NFIA: variants seen among roughly 807,000 people sequenced by gnomAD.
NFIA encodes the protein nuclear factor I A.
In NFIA, 8 loss-of-function variants were observed where a neutral mutation model predicts 62.8. The ratio of observed to expected loss-of-function variants is 0.13; its 90% CI spans 0.07 to 0.23. The LOEUF (loss-of-function observed/expected upper bound fraction) is 0.23. Among genes scored for constraint, NFIA ranks in the 10% least tolerant of loss-of-function variants. The pLI is 1.00. For missense variants in NFIA, 410 were observed against 642.1 expected (o/e 0.64, Z 3.91); for synonymous variants, 235 against 238.1 (o/e 0.99, Z 0.12).
At chr1:61,391,435 A>ACAC (rs1664972644) in intron 7 of NFIA, among the ~76,000 whole-genome samples, 1 of 124,602 alleles carries the variant, frequency 8.0e-6, no homozygotes, top group Non-Finnish European at 1.7e-5. Context: ...TTATGAATCA[A>ACAC]ACACACACAC....
intron 2 of NFIA, among the ~76,000 whole-genome samples, chr1:61,155,860 G>T (rs1648782676): frequency 1.3e-5 from 2 of 152,122 alleles, no homozygotes; most frequent in South Asian, 4.2e-4. Context: ...ACCTTGGCTG[G>T]GCGCGGTGGC....
chr1:61,214,691 C>G (rs1347819174), intron 2 of NFIA, among the ~76,000 whole-genome samples: 1 of 152,168 alleles, frequency 6.6e-6, no homozygotes, highest in Non-Finnish European at 1.5e-5. Context: ...AGTCCCCTTG[C>G]TTTCACCTCT....
chr1:61,283,579 CT>C (rs1658272500), intron 3 of NFIA, among the ~76,000 whole-genome samples: 1 of 14,882 alleles, frequency 6.7e-5, no homozygotes, highest in Admixed American at 1.4e-3. Context: ...GAGACTCTGT[CT>C]CAAAAAAAAA....
chr1:61,423,243 A>T (rs975101169), intron 9 of NFIA, among the ~76,000 whole-genome samples: 4 of 47,376 alleles, frequency 8.4e-5, no homozygotes, highest in Non-Finnish European at 2.3e-4. Context: ...AATGGCTGCT[A>T]AAAAAAAAAA....
chr1:61,128,113 T>A (rs906475241), intron 2 of NFIA, among the ~76,000 whole-genome samples: 5 of 152,116 alleles, frequency 3.3e-5, no homozygotes, highest in African/African-American at 1.2e-4. Context: ...ATTTAATTTT[T>A]AAATTTTTAT....
chr1:61,413,304 T>G (rs1408964308), intron 9 of NFIA, among the ~76,000 whole-genome samples: 1 of 152,230 alleles, frequency 6.6e-6, no homozygotes, highest in Non-Finnish European at 1.5e-5. Context: ...TTAAAATTTC[T>G]CGTATAATAA....
rs560868344 is a variant in NFIA, at chr1:61,203,028, G to A, written c.560-74492G>A. Among the ~76,000 whole-genome samples the A allele has an allele frequency of 2.8e-4, 43 of 152,356 alleles. 1 individual carries two copies. Among genetic ancestry groups the A allele is most frequent in the Middle Eastern group, 3.4e-3 (1 of 294 alleles). On this transcript the variant is annotated intron_variant, in intron 2 of 10. Coordinates refer to ENST00000403491, the MANE Select transcript of NFIA (RefSeq NM_001134673.4). ...TTATTTTGAATTATAGTGCAATTTT[G>A]TGGAGGGTGAAATGGGGATTACACA...
rs143130757 is a variant in NFIA, at chr1:61,390,099, G to A, written c.1075+6734G>A. 5.9e-3 allele frequency among the ~76,000 whole-genome samples: 902 copies of A among 152,216 alleles called. 21 individuals carry two copies. The highest frequency in any genetic ancestry group is 0.03 in the East Asian group (153 of 5,168). On this transcript the variant is annotated intron_variant, in intron 7 of 10. Transcript: ENST00000403491. The stretch of plus-strand genomic sequence containing the variant: ...CTGCTGTGCTAGAAGCACAGGGTGC[G>A]GTAGAAAATGAGGGGAAGGACATCC...
At chr1:61,106,967 A>AT (rs1646613805) in intron 2 of NFIA, among the ~76,000 whole-genome samples, 1 of 150,366 alleles carries the variant, frequency 6.7e-6, no homozygotes. Context: ...TATATATATA[A>AT]ATACATATAC....
rs1160467611 is a variant in NFIA at position 61,360,675 on chromosome 1, T to TA, written c.946+1402dup. Reference sequence around the variant, plus strand: ...AAAGACAATGCTCAGGGGATGTGACTATAAAGGTGTAGCACGGGGAAAATG... The same window carrying TA: ...AAAGACAATGCTCAGGGGATGTGACTAATAAAGGTGTAGCACGGGGAAAATG... On this transcript the variant is annotated intron_variant, in intron 6 of 10. Coordinates refer to ENST00000403491, the MANE Select transcript of NFIA (RefSeq NM_001134673.4). 4.6e-5 allele frequency among the ~76,000 whole-genome samples: 7 copies of TA among 152,294 alleles called. No individual in the cohort carries two copies. The East Asian group carries it at 7.7e-4, about 17-fold the overall frequency.
chr1:61,419,463 A>G (rs1666504323), intron 9 of NFIA, among the ~76,000 whole-genome samples: 1 of 152,150 alleles, frequency 6.6e-6, no homozygotes, highest in South Asian at 2.1e-4. Flanking sequence ...GCTACAGGAA[A>G]CACTCACTGC....
Position 61,283,594 on chromosome 1 carries a change from A to AAAG in NFIA, c.625+6011_625+6012insGAA, listed in dbSNP as rs770257658. Among the ~76,000 whole-genome samples the AAAG allele has an allele frequency of 2.2e-3, 237 of 110,104 alleles. 12 individuals are homozygous for AAAG. The highest frequency in any genetic ancestry group is 0.01 in the East Asian group (33 of 3,288). 72.2% of individuals were successfully genotyped at this position (110,104 alleles called of 152,430 possible). ...GAGACTCTGTCTCAAAAAAAAAAAA[A>AAAG]AAAAAAAAAAAAAAGATTTATGTGT... On this transcript the variant is annotated intron_variant, in intron 3 of 10. Coordinates refer to ENST00000403491, the MANE Select transcript of NFIA (RefSeq NM_001134673.4).
At chr1:61,241,810 A>C (rs1655365888) in intron 2 of NFIA, among the ~76,000 whole-genome samples, 1 of 152,174 alleles carries the variant, frequency 6.6e-6, no homozygotes, top group South Asian at 2.1e-4. Flanking sequence ...GCTTGGCAGA[A>C]GACTATTCAG....
intron 3 of NFIA, among the ~76,000 whole-genome samples, chr1:61,300,141 A>C (rs1659418147): frequency 6.6e-6 from 1 of 152,142 alleles, no homozygotes; most frequent in Non-Finnish European, 1.5e-5. Context: ...GCATTTCCAC[A>C]GTAATTACCA....
chr1:61,164,903 G>T (rs1649468872), intron 2 of NFIA, among the ~76,000 whole-genome samples: 1 of 152,174 alleles, frequency 6.6e-6, no homozygotes, highest in Non-Finnish European at 1.5e-5. Flanking sequence ...AGACCCTGTG[G>T]CCTGCAGTAT....
At chr1:61,128,376 C>T (rs1164090418) in intron 2 of NFIA, among the ~76,000 whole-genome samples, 1 of 152,014 alleles carries the variant, frequency 6.6e-6, no homozygotes, top group Non-Finnish European at 1.5e-5. Context: ...CTTTGGGAGC[C>T]GAGGCGGGTG....
chr1:61,346,573 T>TG (rs1320661213), intron 4 of NFIA, among the ~76,000 whole-genome samples: 1 of 152,206 alleles, frequency 6.6e-6, no homozygotes, highest in Non-Finnish European at 1.5e-5. Context: ...GAGACCTGTT[T>TG]GCTCTCCTGG....
intron 2 of NFIA, among the ~76,000 whole-genome samples, chr1:61,102,730 T>C (rs1429344563): frequency 6.6e-6 from 1 of 152,190 alleles, no homozygotes; most frequent in Non-Finnish European, 1.5e-5. Context: ...ATCCAGTATT[T>C]AGAAGGAAAT....
chr1:61,107,280 A>G (rs1261573465), intron 2 of NFIA, among the ~76,000 whole-genome samples: 1 of 151,660 alleles, frequency 6.6e-6, no homozygotes, highest in Non-Finnish European at 1.5e-5. Flanking sequence ...GCCTGTTTAT[A>G]CGATCACTCG....
Sources: allele counts gnomAD v4.1 joint callset (sites outside exome capture counted in the v4.1 genomes callset), GRCh38; gene constraint gnomAD v4.1.1; transcripts MANE v1.5; gene names NCBI Gene and HGNC (gene_info 2026-07-23, HGNC 2026-07-21).